SLC22A24: variants seen among roughly 807,000 people sequenced by gnomAD.
The protein encoded by SLC22A24 is solute carrier family 22 member 24, also known as steroid transmembrane transporter SLC22A24.
A neutral mutation model predicts 49.8 loss-of-function variants in SLC22A24; 53 were observed. That is an observed-to-expected ratio of 1.06 (90% CI 0.85 to 1.34). SLC22A24 has a LOEUF of 1.34. Ranked by LOEUF, SLC22A24 falls within the 40% of genes most tolerant of loss-of-function variation. SLC22A24 has a pLI of 0.00. For synonymous variants in SLC22A24, 302 were observed against 256.4 expected (o/e 1.18, Z -1.70); for missense variants, 786 against 675.9 (o/e 1.16, Z -1.81).
chr11:63,102,390 T>TA (rs533321778), intron 5 of SLC22A24, among the ~76,000 whole-genome samples: 1 of 151,610 alleles, frequency 6.6e-6, no homozygotes, highest in Non-Finnish European at 1.5e-5. Flanking sequence ...TGTCTCTCAA[T>TA]AAAAAAAATA....
At chr11:63,088,559 C>A (rs1400646616) in intron 6 of SLC22A24, among the ~76,000 whole-genome samples, 1 of 152,048 alleles carries the variant, frequency 6.6e-6, no homozygotes. Context: ...AGCAAGGGAA[C>A]AAAACTGGGC....
At chr11:63,127,349 G>A (rs935821133) in intron 2 of SLC22A24, among the ~76,000 whole-genome samples, 28 of 152,282 alleles carry the variant, frequency 1.8e-4, no homozygotes, top group African/African-American at 6.7e-4. Context: ...TGGTGTATAT[G>A]TGCCACATTT....
In SLC22A24 at chr11:63,118,904, G is replaced by A. The variant is rs536089248; in HGVS notation, c.830+8C>T. 1.3e-6 allele frequency: 2 copies of A among 1,551,976 alleles called. No individual in the cohort carries two copies. The highest frequency in any genetic ancestry group is 1.7e-4 in the Middle Eastern group (1 of 5,996). ...CTTACAGGCAAAGAATGTGGAGATT[G>A]TTCATACCAAGAGGACAAGAAGAGG... On this transcript the variant is annotated splice_region_variant and intron_variant, in intron 4 of 9. Transcript: ENST00000612278.
intron 6 of SLC22A24, among the ~76,000 whole-genome samples, chr11:63,089,960 C>T (rs11231348): frequency 6.6e-6 from 1 of 150,562 alleles, no homozygotes; most frequent in South Asian, 2.1e-4. Context: ...GGGCGCCTGT[C>T]GTCCCAGCTA....
chr11:63,124,156 A>T (rs1222249963), intron 2 of SLC22A24, among the ~76,000 whole-genome samples: 2 of 152,200 alleles, frequency 1.3e-5, no homozygotes, highest in African/African-American at 4.8e-5. Context: ...GATGTCTTGA[A>T]GACTAGCAGA....
intron 2 of SLC22A24, among the ~76,000 whole-genome samples, chr11:63,133,595 C>T (rs958235849): frequency 4.6e-5 from 7 of 152,082 alleles, no homozygotes; most frequent in African/African-American, 1.7e-4. Flanking sequence ...ACAAAGGAAT[C>T]CCCAAACATC....
chr11:63,127,997 A>C (rs2087304700), intron 2 of SLC22A24, among the ~76,000 whole-genome samples: 1 of 147,844 alleles, frequency 6.8e-6, no homozygotes, highest in South Asian at 2.3e-4. Flanking sequence ...CCACCCAGGC[A>C]CCGACGCAAG....
At chr11:63,112,319 A>G (rs1289430909) in intron 4 of SLC22A24, among the ~76,000 whole-genome samples, 1 of 152,178 alleles carries the variant, frequency 6.6e-6, no homozygotes, top group Non-Finnish European at 1.5e-5. Context: ...AAGAAAATGT[A>G]TATCCTGTTG....
chr11:63,082,396 A>C (rs1275784698), intron 7 of SLC22A24, among the ~76,000 whole-genome samples: 21 of 152,228 alleles, frequency 1.4e-4, no homozygotes. Flanking sequence ...AACAGTGGAG[A>C]AGGCTCTCCT....
chr11:63,104,727 C>T lies in SLC22A24; in HGVS notation c.831-429G>A, dbSNP rs184316664. Among the ~76,000 whole-genome samples, 305 of 152,246 alleles carry T rather than the reference C, an allele frequency of 2.0e-3. 3 individuals carry two copies. The highest frequency in any genetic ancestry group is 3.8e-3 in the Non-Finnish European group (261 of 68,004). ...TGAGACTTATTCACTACCATAATAACGGTATGGGAGAAACCATCCCTATGA... is the reference window on the plus strand; with the variant it reads ...TGAGACTTATTCACTACCATAATAATGGTATGGGAGAAACCATCCCTATGA... On this transcript the variant is annotated intron_variant, in intron 4 of 9. Coordinates refer to ENST00000612278, the MANE Select transcript of SLC22A24 (RefSeq NM_001136506.2).
chr11:63,093,075 C>G (rs577666421), intron 6 of SLC22A24, among the ~76,000 whole-genome samples: 13 of 151,164 alleles, frequency 8.6e-5, no homozygotes, highest in African/African-American at 2.7e-4. Flanking sequence ...ATGTGGCCAA[C>G]AAACATGAAA....
chr11:63,124,132 A>T (rs1203628110), intron 2 of SLC22A24, among the ~76,000 whole-genome samples: 1 of 152,204 alleles, frequency 6.6e-6, no homozygotes, highest in Admixed American at 6.6e-5. Context: ...ATGCTACATG[A>T]TGGGAACCAG....
intron 1 of SLC22A24, among the ~76,000 whole-genome samples, chr11:63,137,288 C>T (rs1199692047): frequency 6.6e-6 from 1 of 152,096 alleles, no homozygotes; most frequent in Non-Finnish European, 1.5e-5. Context: ...AAGTTCTTGG[C>T]TAGGGATCTG....
At chr11:63,088,299 C>A (rs1181767960) in intron 6 of SLC22A24, among the ~76,000 whole-genome samples, 1 of 152,066 alleles carries the variant, frequency 6.6e-6, no homozygotes, top group Non-Finnish European at 1.5e-5. Context: ...TGGAGTGGAC[C>A]TCAAACAAAC....
chr11:63,106,786 T>C (rs1413702576), intron 4 of SLC22A24, among the ~76,000 whole-genome samples: 1 of 152,214 alleles, frequency 6.6e-6, no homozygotes, highest in Non-Finnish European at 1.5e-5. Context: ...GTTTGCTTTT[T>C]TCTTGTAAAT....
intron 6 of SLC22A24, among the ~76,000 whole-genome samples, chr11:63,090,259 G>T (rs935735662): frequency 6.6e-6 from 1 of 151,790 alleles, no homozygotes; most frequent in Non-Finnish European, 1.5e-5. Flanking sequence ...CACAATAATA[G>T]TGGGAGACTT....
At chr11:63,123,933 T>C (rs539745954) in intron 2 of SLC22A24, among the ~76,000 whole-genome samples, 4 of 152,302 alleles carry the variant, frequency 2.6e-5, no homozygotes, top group East Asian at 3.9e-4. Flanking sequence ...AAAGGTTTTA[T>C]TGTAAAATTC....
At position 63,143,634 on chromosome 11, in the gene SLC22A24, C is replaced by T. The variant is rs1253301624; in HGVS notation, c.146G>A (p.Cys49Tyr). 1 of 1,594,100 alleles carries T rather than the reference C, an allele frequency of 6.3e-7. No homozygotes were observed. The highest frequency in any genetic ancestry group is 1.1e-5 in the South Asian group (1 of 87,630). ...NFTAFTPSHRCWVPLLDNDTV... is the reference protein window; with the variant it reads ...NFTAFTPSHRYWVPLLDNDTV... Reference sequence around the variant, plus strand: ...GTCATTGTCCAGGAGGGGGACCCAGCAGCGATGACTAGGGGTGAATGCAGT... The same window carrying T: ...GTCATTGTCCAGGAGGGGGACCCAGTAGCGATGACTAGGGGTGAATGCAGT... Residue 49 changes from cysteine to tyrosine, a missense_variant, in exon 1 of 10, where the codon TGC becomes TAC. Physicochemically the swap from Cys to Tyr is radical, Grantham distance 194. Coordinates refer to ENST00000612278, the MANE Select transcript of SLC22A24 (RefSeq NM_001136506.2).
chr11:63,140,095 T>G (rs568551510), intron 1 of SLC22A24, among the ~76,000 whole-genome samples: 2 of 149,512 alleles, frequency 1.3e-5, no homozygotes, highest in African/African-American at 4.9e-5. Flanking sequence ...TTTGTTTTTT[T>G]TTTTTGAGAC....
Sources: allele counts gnomAD v4.1 joint callset (sites outside exome capture counted in the v4.1 genomes callset), GRCh38; gene constraint gnomAD v4.1.1; transcripts MANE v1.5; gene names NCBI Gene and HGNC (gene_info 2026-07-23, HGNC 2026-07-21).